LRP1B: variants seen among roughly 807,000 people sequenced by gnomAD.
LRP1B encodes the protein LDL receptor related protein 1B, also known as low-density lipoprotein receptor-related protein 1B.
Under a neutral mutation model 556.6 loss-of-function variants are expected in LRP1B, and 217 were observed. That is an observed-to-expected ratio of 0.39 (90% CI 0.35 to 0.44). The LOEUF (loss-of-function observed/expected upper bound fraction) is 0.44, where lower values mean the gene tolerates loss of function less well. Ranked by LOEUF, LRP1B falls within the 20% of genes least tolerant of loss-of-function variation. The pLI is 1.00. For synonymous variants in LRP1B, 2,047 were observed against 1,865.8 expected, an observed-to-expected ratio of 1.10 and a Z score of -2.50; for missense variants, 5,053 against 5,620.8, an observed-to-expected ratio of 0.90 and a Z score of 3.23.
At chr2:141,205,544 G>A (rs181489811) in intron 6 of LRP1B, among the ~76,000 whole-genome samples, 6 of 152,206 alleles carry the variant, frequency 3.9e-5, no homozygotes, top group African/African-American at 1.4e-4. Context: ...CACAAATTAT[G>A]TAAGTACATG....
chr2:141,053,115 A>G (rs1699083025), intron 10 of LRP1B, among the ~76,000 whole-genome samples: 1 of 152,006 alleles, frequency 6.6e-6, no homozygotes, highest in South Asian at 2.1e-4. Flanking sequence ...ATACCTACTT[A>G]AGTTTCTCTA....
At chr2:140,881,001 G>C (rs1451189274) in intron 25 of LRP1B, among the ~76,000 whole-genome samples, 1 of 151,970 alleles carries the variant, frequency 6.6e-6, no homozygotes, top group African/African-American at 2.4e-5. Flanking sequence ...AAATATAACA[G>C]TATTTATATA....
intron 7 of LRP1B, among the ~76,000 whole-genome samples, chr2:141,123,558 T>G (rs1304702630): frequency 6.6e-6 from 1 of 152,138 alleles, no homozygotes; most frequent in Non-Finnish European, 1.5e-5. Context: ...AAATATGCTC[T>G]CTACTATTAT....
chr2:140,752,020 C>T (rs72981897), intron 35 of LRP1B, among the ~76,000 whole-genome samples: 3,323 of 152,024 alleles, frequency 0.022, 104 homozygotes, highest in African/African-American at 0.074. Flanking sequence ...GTTAAGAACA[C>T]TTAGCCACTA....
chr2:141,122,370 T>A, intron 7 of LRP1B, among the ~76,000 whole-genome samples: 1 of 146,558 alleles, frequency 6.8e-6, no homozygotes, highest in South Asian at 2.1e-4. Flanking sequence ...AGGGCTAATA[T>A]CCAGAATCTA....
At chr2:141,080,678 A>C (rs2104882544) in intron 7 of LRP1B, among the ~76,000 whole-genome samples, 1 of 152,274 alleles carries the variant, frequency 6.6e-6, no homozygotes, top group Middle Eastern at 3.4e-3. Flanking sequence ...CGTCAGATTG[A>C]CCTGCGTTTT....
intron 1 of LRP1B, among the ~76,000 whole-genome samples, chr2:142,116,120 G>A (rs756752585): frequency 1.4e-5 from 2 of 142,312 alleles, no homozygotes; most frequent in Non-Finnish European, 3.0e-5. Context: ...AAGAGCCTGG[G>A]AGGAGGAGGT....
intron 1 of LRP1B, among the ~76,000 whole-genome samples, chr2:141,827,226 T>C (rs976775586): frequency 2.0e-5 from 3 of 152,254 alleles, no homozygotes; most frequent in Non-Finnish European, 4.4e-5. Context: ...AGTTCTTTTG[T>C]TGAATTATCC....
At position 141,638,823 on chromosome 2, in the gene LRP1B, A is replaced by T. The variant is rs1166863188; in HGVS notation, c.206-158290T>A. Among the ~76,000 whole-genome samples, 10 of 98,714 alleles carry T rather than the reference A, an allele frequency of 1.0e-4. 3 individuals carry two copies. Among genetic ancestry groups the T allele is most frequent in the African/African-American group, 3.4e-4 (10 of 29,194 alleles). The allele number at this position is 98,714 out of a possible 152,430, so 64.8% of individuals were successfully genotyped here. A position where few individuals can be genotyped will look rare whatever the true frequency, so the allele number is the denominator to read the frequency against. On this transcript the variant is annotated intron_variant, in intron 2 of 90. Transcript: ENST00000389484. ...TGAAAGCATCAGTGGAAGAAGGGCA[A>T]TGCCATCCTGGATCAAAATTGAGAC...
chr2:140,323,275 T>TA (rs946724889), intron 81 of LRP1B, among the ~76,000 whole-genome samples: 1 of 152,042 alleles, frequency 6.6e-6, no homozygotes, highest in Non-Finnish European at 1.5e-5. Context: ...AGAATTACCT[T>TA]AATTACCTCA....
intron 1 of LRP1B, among the ~76,000 whole-genome samples, chr2:141,971,280 TG>T (rs373947735): frequency 5.3e-5 from 8 of 151,582 alleles, no homozygotes; most frequent in African/African-American, 1.4e-4. Flanking sequence ...GAATTTAAAA[TG>T]AATAAAATAT....
intron 66 of LRP1B, among the ~76,000 whole-genome samples, chr2:140,393,327 T>A (rs1684107368): frequency 6.6e-6 from 1 of 150,946 alleles, no homozygotes; most frequent in African/African-American, 2.5e-5. Flanking sequence ...ATTGAAATTA[T>A]ATATTGTTTC....
chr2:142,119,849 A>G (rs1707392986), intron 1 of LRP1B, among the ~76,000 whole-genome samples: 1 of 152,036 alleles, frequency 6.6e-6, no homozygotes, highest in African/African-American at 2.4e-5. Context: ...GACAATCCAA[A>G]GTTGTACAAT....
chr2:140,885,507 C>T (rs889539067), intron 24 of LRP1B, among the ~76,000 whole-genome samples: 2 of 151,812 alleles, frequency 1.3e-5, no homozygotes, highest in African/African-American at 2.4e-5. Context: ...TGCACCACCA[C>T]GTCCAGCTAT....
chr2:141,647,697 C>T (rs1296708209), intron 2 of LRP1B, among the ~76,000 whole-genome samples: 1 of 94,678 alleles, frequency 1.1e-5, no homozygotes, highest in Non-Finnish European at 2.1e-5. Flanking sequence ...AGGGAATAAC[C>T]TTCTAGTTTT....
chr2:142,070,800 A>G (rs960287567), intron 1 of LRP1B, among the ~76,000 whole-genome samples: 15 of 151,914 alleles, frequency 9.9e-5, no homozygotes, highest in Non-Finnish European at 2.1e-4. Context: ...ATCATATTGC[A>G]TGTAGTTTGG....
At chr2:141,037,009 C>T (rs191402575) in intron 11 of LRP1B, among the ~76,000 whole-genome samples, 79 of 152,068 alleles carry the variant, frequency 5.2e-4, no homozygotes, top group Non-Finnish European at 1.2e-4. Context: ...CCAAGACTGG[C>T]ACAAGAGAAA....
chr2:140,385,884 GTTACTT>G lies in LRP1B; in HGVS notation c.10531+3_10531+8del. The stretch of plus-strand genomic sequence containing the variant: ...AAGCTCAAAACATTATTAGGCAAGA[GTTACTT>G]ACTACAGTTTTCTTCATCTGAATTA... On this transcript the variant is annotated splice_donor_5th_base_variant and intron_variant, in intron 67 of 90. Coordinates refer to ENST00000389484, the MANE Select transcript of LRP1B (RefSeq NM_018557.3). 6.4e-7 allele frequency: 1 copy of G among 1,568,484 alleles called. No individual in the cohort carries two copies. The highest frequency in any genetic ancestry group is 8.8e-7 in the Non-Finnish European group (1 of 1,138,866).
chr2:140,966,097 A>G (rs1005646759), intron 18 of LRP1B, among the ~76,000 whole-genome samples: 10 of 152,186 alleles, frequency 6.6e-5, no homozygotes, highest in Non-Finnish European at 1.5e-4. Context: ...GTCAAATGGT[A>G]TTTCTAGTTC....
Sources: gnomAD v4.1 joint callset for allele counts (sites outside exome capture counted in the v4.1 genomes callset) on GRCh38, gnomAD v4.1.1 for gene constraint, MANE v1.5 for transcripts, NCBI Gene and HGNC (gene_info 2026-07-23, HGNC 2026-07-21) for gene names.